Variants in MAP2 observed in about 807,000 individuals in gnomAD.
MAP2 encodes the protein microtubule-associated protein 2.
In MAP2, 14 loss-of-function variants were observed where a neutral mutation model predicts 137.6. The ratio of observed to expected loss-of-function variants is 0.10; its 90% CI spans 0.07 to 0.16. The LOEUF (loss-of-function observed/expected upper bound fraction) is 0.16. Ranked by LOEUF, MAP2 falls within the 10% of genes least tolerant of loss-of-function variation. The pLI, the probability that MAP2 is intolerant of heterozygous loss-of-function variation, is 1.00. For missense variants in MAP2, 2,088 were observed against 2,191.5 expected, an observed-to-expected ratio of 0.95 and a Z score of 0.94; for synonymous variants, 786 against 782.3, an observed-to-expected ratio of 1.00 and a Z score of -0.08.
intron 2 of MAP2, among the ~76,000 whole-genome samples, chr2:209,579,021 A>G (rs888344613): frequency 1.3e-5 from 2 of 152,144 alleles, no homozygotes; most frequent in Admixed American, 6.5e-5. Flanking sequence ...GTAGGAAAAT[A>G]TACATAAATA....
At chr2:209,598,275 T>C (rs1412593286) in intron 3 of MAP2, among the ~76,000 whole-genome samples, 1 of 151,920 alleles carries the variant, frequency 6.6e-6, no homozygotes, top group African/African-American at 2.4e-5. Context: ...AAAGTATTGG[T>C]ATTACAGGCA....
intron 4 of MAP2, among the ~76,000 whole-genome samples, chr2:209,640,934 T>C (rs2093977048): frequency 6.6e-6 from 1 of 150,648 alleles, no homozygotes; most frequent in East Asian, 1.9e-4. Flanking sequence ...ACTTTTAGAG[T>C]TTTGTTTTCT....
intron 5 of MAP2, among the ~76,000 whole-genome samples, chr2:209,675,598 A>C (rs1424069934): frequency 6.6e-6 from 1 of 151,918 alleles, no homozygotes; most frequent in Non-Finnish European, 1.5e-5. Flanking sequence ...TTGTATGAAT[A>C]CATCCTTTAT....
At chr2:209,717,819 G>GGTTTTTT (rs973230996) in intron 13 of MAP2, among the ~76,000 whole-genome samples, 2 of 152,026 alleles carry the variant, frequency 1.3e-5, no homozygotes, top group African/African-American at 4.8e-5. Flanking sequence ...GCAAAAAGGA[G>GGTTTTTT]GTTTTTTGTT....
Position 209,710,194 on chromosome 2 carries a change from G to A in MAP2, c.5013G>A (p.Lys1671=). The change falls in exon 13 of 16, where the codon AAG becomes AAA. Residue 1671 remains lysine, a synonymous_variant. Transcript: ENST00000682079. The part of the protein sequence containing the change: ...RLINQPLPDL[K]NVKSKIGSTD... ...TTAACCAACCACTGCCAGACCTGAAGAATGTCAAATCCAAAATCGGATCAA... is the reference window on the plus strand; with the variant it reads ...TTAACCAACCACTGCCAGACCTGAAAAATGTCAAATCCAAAATCGGATCAA... 1 of 1,610,998 alleles carries A rather than the reference G, an allele frequency of 6.2e-7. No individual in the cohort carries two copies. The highest frequency in any genetic ancestry group is 8.5e-7 in the Non-Finnish European group (1 of 1,178,204).
At chr2:209,486,365 C>T (rs1010994713) in intron 1 of MAP2, among the ~76,000 whole-genome samples, 4 of 151,952 alleles carry the variant, frequency 2.6e-5, no homozygotes, top group Non-Finnish European at 5.9e-5. Flanking sequence ...CTGGGACTAC[C>T]GGAGTGCGCC....
intron 3 of MAP2, among the ~76,000 whole-genome samples, chr2:209,591,203 A>G (rs529234045): frequency 6.6e-6 from 1 of 152,302 alleles, no homozygotes; most frequent in East Asian, 1.9e-4. Context: ...GCCCAAAGCC[A>G]AGGCTTTTCC....
rs114072646 is a variant in MAP2 at position 209,684,758 on chromosome 2, A to G, written c.454+3931A>G. 139 of 152,326 alleles carry G rather than the reference A, an allele frequency of 9.1e-4. 2 individuals carry two copies. The highest frequency in any genetic ancestry group is 3.3e-3 in the African/African-American group (137 of 41,570). The allele number at this position is 152,326 out of a possible 1,614,324, so 9.4% of individuals were successfully genotyped here. ...TGTTTTTAGCATAACACGTGATTAA[A>G]TGAAATAGAATATTCTGTGGCAAAA... is the stretch of plus-strand genomic sequence containing the variant. On this transcript the variant is annotated intron_variant, in intron 7 of 15. Transcript: ENST00000682079.
intron 2 of MAP2, among the ~76,000 whole-genome samples, chr2:209,514,808 G>T (rs1393075515): frequency 6.6e-6 from 1 of 152,010 alleles, no homozygotes; most frequent in Non-Finnish European, 1.5e-5. Flanking sequence ...CCTGAGAATA[G>T]AAAAGTATCC....
In MAP2 at chr2:209,600,393, A is replaced by G. The variant is rs181959535; in HGVS notation, c.-107+20293A>G. Among the ~76,000 whole-genome samples the G allele has an allele frequency of 1.6e-4, 25 of 152,244 alleles. No individual in the cohort carries two copies. In the East Asian group the frequency reaches 4.6e-3, roughly 28 times the overall value. On this transcript the variant is annotated intron_variant, in intron 3 of 15. Coordinates refer to ENST00000682079, the MANE Select transcript of MAP2 (RefSeq NM_001375505.1). ...CTCTTGAGGTTTATCTGAAATGCAGATTTGTCCAAGCCTTTCCTAGCTGTT... is the reference window on the plus strand; with the variant it reads ...CTCTTGAGGTTTATCTGAAATGCAGGTTTGTCCAAGCCTTTCCTAGCTGTT...
rs1229676854 is a variant in MAP2, at chr2:209,725,809, G to A, written c.5155+19G>A. 1.3e-6 allele frequency: 2 copies of A among 1,529,688 alleles called. No individual in the cohort carries two copies. Among genetic ancestry groups the A allele is most frequent in the Admixed American group, 4.2e-5 (2 of 47,954 alleles). The allele number at this position is 1,529,688 out of a possible 1,614,324, so 94.8% of individuals were successfully genotyped here. A position where few individuals can be genotyped will look rare whatever the true frequency, so the allele number is the denominator to read the frequency against. On this transcript the variant is annotated intron_variant, in intron 14 of 15. Transcript: ENST00000682079. ...AGGCCAGGTAAATAAATAATTTTTA[G>A]TAGTTTGAGAAATATTTAACTGGAA...
chr2:209,510,516 G>A (rs752677884), intron 2 of MAP2, among the ~76,000 whole-genome samples: 15 of 151,990 alleles, frequency 9.9e-5, no homozygotes, highest in Non-Finnish European at 1.5e-4. Flanking sequence ...GGTGAGTAAC[G>A]TGTACATTAT....
chr2:209,452,946 T>A (rs1700647749), intron 1 of MAP2, among the ~76,000 whole-genome samples: 1 of 152,206 alleles, frequency 6.6e-6, no homozygotes, highest in Non-Finnish European at 1.5e-5. Context: ...TCCATTTTTT[T>A]CTTCTTCATT....
At chr2:209,511,595 G>A (rs1185521581) in intron 2 of MAP2, among the ~76,000 whole-genome samples, 1 of 151,960 alleles carries the variant, frequency 6.6e-6, no homozygotes, top group African/African-American at 2.4e-5. Flanking sequence ...TTGAAGAGAT[G>A]GAGTCTCCCT....
intron 11 of MAP2, among the ~76,000 whole-genome samples, chr2:209,701,620 A>G (rs994737442): frequency 6.6e-6 from 1 of 152,054 alleles, no homozygotes; most frequent in Non-Finnish European, 1.5e-5. Context: ...TTTATTTATT[A>G]TGAAAAGTAG....
chr2:209,434,898 A>ATATATATATGT (rs1258282212), intron 1 of MAP2, among the ~76,000 whole-genome samples: 23 of 136,466 alleles, frequency 1.7e-4, no homozygotes, highest in Admixed American at 3.7e-4. Context: ...TATATATGTT[A>ATATATATATGT]TATATATATG....
chr2:209,473,459 G>A (rs562694642), intron 1 of MAP2, among the ~76,000 whole-genome samples: 4 of 152,028 alleles, frequency 2.6e-5, no homozygotes, highest in Non-Finnish European at 5.9e-5. Context: ...CAGGACCTAG[G>A]AGGTAGAAGG....
At chr2:209,484,899 CT>C (rs2058184522) in intron 1 of MAP2, among the ~76,000 whole-genome samples, 2 of 152,082 alleles carry the variant, frequency 1.3e-5, no homozygotes, top group Admixed American at 1.3e-4. Context: ...AAAAAGAAAT[CT>C]TCTTAAAGAA....
chr2:209,557,767 T>C (rs2071023102), intron 2 of MAP2, among the ~76,000 whole-genome samples: 1 of 152,174 alleles, frequency 6.6e-6, no homozygotes. Flanking sequence ...AGAGAGCCTT[T>C]AATGGCTCAA....
Sources: gnomAD v4.1 joint callset for allele counts (sites outside exome capture counted in the v4.1 genomes callset) on GRCh38, gnomAD v4.1.1 for gene constraint, MANE v1.5 for transcripts, NCBI Gene and HGNC (gene_info 2026-07-23, HGNC 2026-07-21) for gene names.